Variants in LARS1 observed in about 807,000 individuals in gnomAD.
The protein encoded by LARS1 is leucyl-tRNA synthetase 1, also known as leucine--tRNA ligase, cytoplasmic.
A neutral mutation model predicts 162.8 loss-of-function variants in LARS1; 100 were observed. That is an observed-to-expected ratio of 0.61 (90% CI 0.52 to 0.73). The LOEUF (loss-of-function observed/expected upper bound fraction) is 0.73. LARS1 is among the 30% of genes least tolerant of loss of function. LARS1 has a pLI of 0.00. For synonymous variants in LARS1, 457 were observed against 462.8 expected, an observed-to-expected ratio of 0.99 and a Z score of 0.16; for missense variants, 1,258 against 1,408.9, an observed-to-expected ratio of 0.89 and a Z score of 1.71.
Position 146,157,792 on chromosome 5 carries a change from C to T in LARS1, c.775G>A (p.Val259Ile). 6.2e-7 allele frequency: 1 copy of T among 1,613,814 alleles called. No individual in the cohort carries two copies. Among genetic ancestry groups the T allele is most frequent in the South Asian group, 1.1e-5 (1 of 91,070 alleles). Reference protein sequence around the residue: ...MDHDRQTGEGVGPQEYTLLKL... With the variant: ...MDHDRQTGEGIGPQEYTLLKL... ...AGTAAAGTATATTCCTGAGGTCCAA[C>T]ACCCTAAGCAAATAAACGATACAAA... Residue 259 changes from valine (V) to isoleucine (I), a missense_variant, in exon 9 of 32, where the codon GTT becomes ATT. Physicochemically the swap from Val to Ile is conservative, Grantham distance 29 (BLOSUM62 3). Transcript: ENST00000394434.
chr5:146,123,391 T>C (rs1299573320), intron 29 of LARS1, among the ~76,000 whole-genome samples: 3 of 151,948 alleles, frequency 2.0e-5, no homozygotes, highest in South Asian at 4.1e-4. Context: ...ACGTCACAGA[T>C]ATATAAAAGC....
intron 5 of LARS1, among the ~76,000 whole-genome samples, chr5:146,166,806 T>C (rs1368744677): frequency 1.3e-5 from 2 of 152,052 alleles, no homozygotes; most frequent in Non-Finnish European, 2.9e-5. Context: ...AACACAGTAT[T>C]ATTTCCATGG....
Position 146,172,687 on chromosome 5 carries a change from C to T in LARS1, c.213G>A (p.Glu71=). The stretch of plus-strand genomic sequence containing the variant: ...TATAGCAAACATAGGGAAACATTAC[C>T]TCACATTTGGATAAAGAAAACGTGT... ...LGHTFSLSKC[E]FAVGYQRLKG... is the part of the protein sequence containing the mutation. Residue 71 remains glutamate (E), a splice_region_variant and synonymous_variant, in exon 3 of 32, where the codon GAG becomes GAA. Coordinates refer to ENST00000394434, the MANE Select transcript of LARS1 (RefSeq NM_020117.11). 1 of 1,545,014 alleles carries T rather than the reference C, an allele frequency of 6.5e-7. No individual in the cohort carries two copies. The highest frequency in any genetic ancestry group is 8.8e-7 in the Non-Finnish European group (1 of 1,137,866).
At chr5:146,142,274 CA>C (rs35320822) in intron 20 of LARS1, among the ~76,000 whole-genome samples, 13 of 150,002 alleles carry the variant, frequency 8.7e-5, no homozygotes, top group African/African-American at 3.2e-4. Context: ...GACTCTGTCT[CA>C]AAAAAAAAAT....
rs879737011 is a variant in LARS1 at position 146,175,243 on chromosome 5, T to TA, written c.125+2303dup. On this transcript the variant is annotated intron_variant, in intron 2 of 31. Coordinates refer to ENST00000394434, the MANE Select transcript of LARS1 (RefSeq NM_020117.11). The stretch of plus-strand genomic sequence containing the variant: ...GACACCACAGACTCTGTCTCCAAAT[T>TA]AAAAAAAAAAAAAAGATAATGGGCG... Among the ~76,000 whole-genome samples, 381 of 126,258 alleles carry TA rather than the reference T, an allele frequency of 3.0e-3. 1 individual carries two copies. Among genetic ancestry groups the TA allele is most frequent in the African/African-American group, 7.2e-3 (243 of 33,954 alleles). 82.8% of individuals were successfully genotyped at this position (126,258 alleles called of 152,430 possible). A position where few individuals can be genotyped will look rare whatever the true frequency, so the allele number is the denominator to read the frequency against.
chr5:146,177,792 A>G, intron 1 of LARS1, 127 bp from the exon 2 acceptor site: 1 of 458,820 alleles, frequency 2.2e-6, no homozygotes. Flanking sequence ...TTGAAATTTA[A>G]ATGAACATTA....
chr5:146,168,500 G>C (rs1015937167), intron 4 of LARS1, among the ~76,000 whole-genome samples: 14 of 152,066 alleles, frequency 9.2e-5, no homozygotes, highest in Non-Finnish European at 4.4e-5. Context: ...TTCGAGACCA[G>C]CCTGGCCAAC....
intron 4 of LARS1, among the ~76,000 whole-genome samples, 156 bp from the exon 5 acceptor site, chr5:146,168,421 G>A (rs1754118172): frequency 1.3e-5 from 2 of 152,182 alleles, no homozygotes; most frequent in Admixed American, 1.3e-4. Flanking sequence ...ACGGAGGCTG[G>A]GAGCAGTGGC....
chr5:146,120,541 T>C (rs780106179), intron 30 of LARS1, 38 bp from the exon 31 acceptor site: 1 of 1,596,346 alleles, frequency 6.3e-7, no homozygotes, highest in South Asian at 1.1e-5. Context: ...TTAACTTGAA[T>C]ACTGCTGAGG....
chr5:146,153,135 G>C, intron 13 of LARS1, 39 bp downstream of exon 13: 4 of 1,458,366 alleles, frequency 2.7e-6, no homozygotes, highest in Non-Finnish European at 2.9e-6. Context: ...CTCTGATAAA[G>C]AGATGGATGT....
At chr5:146,153,264 C>T (rs1753372393) in intron 12 of LARS1, 37 bp from the exon 13 acceptor site, 4 of 1,389,104 alleles carry the variant, frequency 2.9e-6, no homozygotes, top group Non-Finnish European at 4.1e-6. Context: ...TAATGATCAA[C>T]ACTTTACTGG....
intron 2 of LARS1, 57 bp from the exon 3 acceptor site, chr5:146,172,831 T>C (rs1459974765): frequency 1.7e-5 from 15 of 907,438 alleles, no homozygotes; most frequent in Non-Finnish European, 2.1e-5. Context: ...AAGTTCCTTT[T>C]ACAATAAGGA....
intron 5 of LARS1, among the ~76,000 whole-genome samples, chr5:146,165,524 A>G (rs1026602929): frequency 1.3e-5 from 2 of 151,938 alleles, no homozygotes; most frequent in African/African-American, 2.4e-5. Context: ...GAGCAAGACT[A>G]TGTCTTGAAA....
intron 20 of LARS1, 155 bp downstream of exon 20, chr5:146,142,717 G>T: frequency 5.1e-6 from 3 of 590,014 alleles, no homozygotes; most frequent in Non-Finnish European, 5.9e-6. Context: ...GATAGGAGGT[G>T]GCCTTTCTGC....
intron 21 of LARS1, chr5:146,137,779 G>A: frequency 3.1e-6 from 1 of 322,564 alleles, no homozygotes; most frequent in South Asian, 2.5e-5. Flanking sequence ...GTGGTCCAAG[G>A]CCATTTTTGC....
intron 31 of LARS1, among the ~76,000 whole-genome samples, chr5:146,115,923 G>A (rs949442725): frequency 4.6e-5 from 7 of 152,116 alleles, no homozygotes; most frequent in African/African-American, 1.7e-4. Flanking sequence ...CTTAGTATAA[G>A]AGGGATAAGA....
At chr5:146,152,820 AG>A (rs35044843) in intron 13 of LARS1, among the ~76,000 whole-genome samples, 33,876 of 152,220 alleles carry the variant, frequency 0.22, 4,825 homozygotes, top group Admixed American at 0.34. Flanking sequence ...AGAGTTGTAC[AG>A]GACTTTGTTA....
At chr5:146,127,328 G>A (rs1409575251) in intron 27 of LARS1, among the ~76,000 whole-genome samples, 4 of 151,952 alleles carry the variant, frequency 2.6e-5, no homozygotes, top group Non-Finnish European at 5.9e-5. Flanking sequence ...AAAGAAAAAG[G>A]GTGGGAAACA....
At chr5:146,122,325 A>C (rs1052556229) in intron 30 of LARS1, among the ~76,000 whole-genome samples, 167 bp downstream of exon 30, 10 of 152,122 alleles carry the variant, frequency 6.6e-5, no homozygotes, top group African/African-American at 2.4e-4. Flanking sequence ...AGGACATTTC[A>C]GGTACATCCC....
Sources: allele counts gnomAD v4.1 joint callset (sites outside exome capture counted in the v4.1 genomes callset), GRCh38; gene constraint gnomAD v4.1.1; transcripts MANE v1.5; gene names NCBI Gene and HGNC (gene_info 2026-07-23, HGNC 2026-07-21).